The following GRIK3 variants were observed in gnomAD, a reference collection of about 807,000 sequenced individuals.
The protein encoded by GRIK3 is glutamate ionotropic receptor kainate type subunit 3, also known as glutamate receptor ionotropic, kainate 3.
In GRIK3, 29 loss-of-function variants were observed where a neutral mutation model predicts 102.5. The observed-to-expected ratio is 0.28, with a 90% confidence interval of 0.21 to 0.39. The LOEUF is 0.39. Ranked by LOEUF, GRIK3 falls within the 10% of genes least tolerant of loss-of-function variation. The pLI is 1.00. For missense variants in GRIK3, 908 were observed against 1,252.4 expected (o/e 0.73, Z 4.15); for synonymous variants, 511 against 504.9 (o/e 1.01, Z -0.16).
chr1:37,031,787 T>TCTCG (rs1342887403), intron 1 of GRIK3, among the ~76,000 whole-genome samples: 1 of 152,218 alleles, frequency 6.6e-6, no homozygotes, highest in African/African-American at 2.4e-5. Flanking sequence ...ATTCTCTCTC[T>TCTCG]CTCGCTCGCT....
Position 36,797,243 on chromosome 1 carries a change from G to T in GRIK3, c.*4608C>A, listed in dbSNP as rs1359494780. 1 of 151,378 alleles carries T rather than the reference G, an allele frequency of 6.6e-6. No individual in the cohort carries two copies. The highest frequency in any genetic ancestry group is 1.5e-5 in the Non-Finnish European group (1 of 67,910). The allele number at this position is 151,378 out of a possible 1,614,324, so 9.4% of individuals were successfully genotyped here. On this transcript the variant is annotated 3_prime_UTR_variant, in exon 16 of 16. Transcript: ENST00000373091. ...CTCCGTGTGCAGACGTGCAGGAAAG[G>T]GTTGTATACACATGGGCTACAGGTC...
intron 5 of GRIK3, among the ~76,000 whole-genome samples, chr1:36,860,455 T>C (rs1640708879): frequency 6.6e-6 from 1 of 152,200 alleles, no homozygotes; most frequent in South Asian, 2.1e-4. Flanking sequence ...GAAGAGGATA[T>C]TTAAAAATAG....
intron 1 of GRIK3, among the ~76,000 whole-genome samples, chr1:36,996,365 T>G (rs1267477288): frequency 6.6e-6 from 1 of 152,202 alleles, no homozygotes; most frequent in Non-Finnish European, 1.5e-5. Context: ...TCTAAGACTC[T>G]TACTCCCTCT....
At chr1:37,000,246 A>G (rs1157914003) in intron 1 of GRIK3, among the ~76,000 whole-genome samples, 1 of 152,242 alleles carries the variant, frequency 6.6e-6, no homozygotes, top group Non-Finnish European at 1.5e-5. Context: ...AAGGTTGACA[A>G]GACAGGTGTT....
At chr1:36,965,876 G>A (rs912854682) in intron 1 of GRIK3, among the ~76,000 whole-genome samples, 2 of 152,220 alleles carry the variant, frequency 1.3e-5, no homozygotes, top group African/African-American at 4.8e-5. Flanking sequence ...AAGCAGCTCT[G>A]TAATTTACAA....
At chr1:36,822,658 T>C (rs1338103188) in intron 11 of GRIK3, among the ~76,000 whole-genome samples, 2 of 151,774 alleles carry the variant, frequency 1.3e-5, no homozygotes, top group African/African-American at 4.8e-5. Flanking sequence ...CCAGCTGGAG[T>C]GTGGAGGAGG....
intron 2 of GRIK3, among the ~76,000 whole-genome samples, chr1:36,887,060 T>C (rs1641046177): frequency 6.6e-6 from 1 of 152,230 alleles, no homozygotes; most frequent in Non-Finnish European, 1.5e-5. Flanking sequence ...GAAACATCGT[T>C]ATAGGCACAA....
At chr1:36,981,704 T>C (rs1045023744) in intron 1 of GRIK3, among the ~76,000 whole-genome samples, 2 of 152,000 alleles carry the variant, frequency 1.3e-5, no homozygotes, top group Non-Finnish European at 2.9e-5. Flanking sequence ...GGCTGAGTCA[T>C]GTGTCTCTTT....
intron 1 of GRIK3, among the ~76,000 whole-genome samples, chr1:36,907,199 G>T (rs927827625): frequency 6.6e-6 from 1 of 152,172 alleles, no homozygotes; most frequent in Admixed American, 6.5e-5. Flanking sequence ...CCTGGGTAAA[G>T]AATTAAGACT....
rs115365373 is a variant in GRIK3 at position 36,859,132 on chromosome 1, G to A, written c.1080C>T (p.Gly360=). ...CCTCCTTGATGAAGTTCATGAAGCG[G>A]CCGCCAAAGCGCCAGGCCTTGTGCC... ...CHRHKAWRFG[G]RFMNFIKEAQ... Residue 360 remains glycine, a synonymous_variant, in exon 7 of 16, where the codon GGC becomes GGT. Coordinates refer to ENST00000373091, the MANE Select transcript of GRIK3 (RefSeq NM_000831.4). The A allele has an allele frequency of 3.6e-5, 58 of 1,611,634 alleles. No homozygotes were observed. In the African/African-American group the frequency reaches 6.1e-4, roughly 17 times the overall value.
intron 1 of GRIK3, among the ~76,000 whole-genome samples, chr1:36,956,210 G>C (rs1413161545): frequency 6.6e-6 from 1 of 152,254 alleles, no homozygotes; most frequent in Non-Finnish European, 1.5e-5. Flanking sequence ...AGCAAGAGAG[G>C]GGAAGAGGCC....
intron 1 of GRIK3, among the ~76,000 whole-genome samples, chr1:36,953,938 C>T (rs1641874549): frequency 6.6e-6 from 1 of 152,136 alleles, no homozygotes; most frequent in Non-Finnish European, 1.5e-5. Flanking sequence ...GGGCAGAGGA[C>T]CCCCAGCCCC....
chr1:36,986,602 G>T (rs779753465), intron 1 of GRIK3, among the ~76,000 whole-genome samples: 3 of 152,228 alleles, frequency 2.0e-5, no homozygotes, highest in South Asian at 4.1e-4. Context: ...CCCTCAAGGA[G>T]CTCCCAGCCT....
At chr1:36,822,315 G>A (rs896657877) in intron 11 of GRIK3, among the ~76,000 whole-genome samples, 1 of 152,186 alleles carries the variant, frequency 6.6e-6, no homozygotes, top group African/African-American at 2.4e-5. Context: ...TTCTAGAATG[G>A]GCTTCTTGGC....
chr1:36,823,088 G>A (rs967710802), intron 11 of GRIK3, among the ~76,000 whole-genome samples: 1 of 152,242 alleles, frequency 6.6e-6, no homozygotes, highest in South Asian at 2.1e-4. Context: ...GCTGTGTCCA[G>A]ATCTCCAGCA....
chr1:36,886,197 G>A (rs1184660034), intron 2 of GRIK3, among the ~76,000 whole-genome samples: 2 of 152,096 alleles, frequency 1.3e-5, no homozygotes, highest in African/African-American at 4.8e-5. Context: ...AAAGGCCCCC[G>A]GCCTCATGTG....
intron 1 of GRIK3, among the ~76,000 whole-genome samples, chr1:37,007,124 C>T (rs573946083): frequency 6.6e-6 from 1 of 152,324 alleles, no homozygotes; most frequent in East Asian, 1.9e-4. Flanking sequence ...GAGGCTGTAG[C>T]CTAGACAAAA....
chr1:36,834,424 C>T (rs190248675), intron 10 of GRIK3, among the ~76,000 whole-genome samples: 12 of 152,170 alleles, frequency 7.9e-5, no homozygotes, highest in Non-Finnish European at 1.0e-4. Flanking sequence ...CTGTGGCCAT[C>T]GATAACCTTG....
At chr1:37,010,041 G>C (rs181748579) in intron 1 of GRIK3, among the ~76,000 whole-genome samples, 1 of 152,318 alleles carries the variant, frequency 6.6e-6, no homozygotes, top group African/African-American at 2.4e-5. Context: ...CAGCTCTGCT[G>C]TATTTACCGA....
Sources: allele counts gnomAD v4.1 joint callset (sites outside exome capture counted in the v4.1 genomes callset), GRCh38; gene constraint gnomAD v4.1.1; transcripts MANE v1.5; gene names NCBI Gene and HGNC (gene_info 2026-07-23, HGNC 2026-07-21).